The following RB1CC1 variants were observed in gnomAD, a reference collection of about 807,000 sequenced individuals.
RB1CC1 encodes RB1-inducible coiled-coil protein 1.
RB1CC1 carries 46 observed loss-of-function variants against 177.5 expected under a neutral mutation model. The observed-to-expected ratio is 0.26, with a 90% CI of 0.20 to 0.33. The LOEUF (loss-of-function observed/expected upper bound fraction) is 0.33. RB1CC1 is among the 10% of genes least tolerant of loss of function. RB1CC1 has a pLI of 1.00. For synonymous variants in RB1CC1, 666 were observed against 613.6 expected (o/e 1.09, Z -1.26); for missense variants, 1,703 against 1,816.3 (o/e 0.94, Z 1.13).
At chr8:52,685,648 G>A (rs1212287507) in intron 2 of RB1CC1, 128 bp from the exon 3 acceptor site, 6 of 416,606 alleles carry the variant, frequency 1.4e-5, no homozygotes, top group Non-Finnish European at 2.1e-5. Context: ...TTGATGTCTA[G>A]GATGGCTAAC....
rs1456470673 is a variant in RB1CC1 at position 52,661,653 on chromosome 8, G to A, written c.1240C>T (p.Leu414=). The A allele has an allele frequency of 2.5e-6, 4 of 1,612,334 alleles. No individual in the cohort carries two copies. The highest frequency in any genetic ancestry group is 3.3e-4 in the Middle Eastern group (2 of 6,048). The change falls in exon 9 of 24, where the codon CTG becomes TTG. Residue 414 remains leucine (L), a synonymous_variant. Coordinates refer to ENST00000025008, the MANE Select transcript of RB1CC1 (RefSeq NM_014781.5). ...ATCATCAACTGATTTGCGTGACTCA[G>A]GCATAAATCAGGTAATACAGATGCA... is the stretch of plus-strand genomic sequence containing the variant. The part of the protein sequence containing the change: ...KDASVLPDLC[L]SHANQLMIML...
At chr8:52,675,873 C>T (rs374907408) in intron 6 of RB1CC1, among the ~76,000 whole-genome samples, 9 of 142,780 alleles carry the variant, frequency 6.3e-5, no homozygotes, top group East Asian at 4.0e-4. Context: ...GGCAACAGAG[C>T]GAGCCTCCGT....
At position 52,623,494 on chromosome 8, in the gene RB1CC1, AAGG is replaced by A; in HGVS notation, c.*285_*287del. 1 of 401,854 alleles carries A rather than the reference AAGG, an allele frequency of 2.5e-6. No homozygotes were observed. Among genetic ancestry groups the A allele is most frequent in the Non-Finnish European group, 4.7e-6 (1 of 211,200 alleles). The allele number at this position is 401,854 out of a possible 1,614,324, so 24.9% of individuals were successfully genotyped here. ...TGGCTCATCATAAGCCACAATGCAC[AAGG>A]TATGCCCTTTGAGAAAATGAAGTAG... On this transcript the variant is annotated 3_prime_UTR_variant, in exon 24 of 24. Coordinates refer to ENST00000025008, the MANE Select transcript of RB1CC1 (RefSeq NM_014781.5).
At chr8:52,627,342 G>A (rs545471858) in intron 22 of RB1CC1, among the ~76,000 whole-genome samples, 15 of 152,132 alleles carry the variant, frequency 9.9e-5, no homozygotes, top group South Asian at 4.1e-4. Context: ...GCAAGACTCC[G>A]TTTCGAAAAA....
chr8:52,624,777 T>C lies in RB1CC1; in HGVS notation c.4647A>G (p.Ala1549=), dbSNP rs1848265495. The C allele has an allele frequency of 2.5e-6, 4 of 1,571,210 alleles. No individual in the cohort carries two copies. Among genetic ancestry groups the C allele is most frequent in the East Asian group, 4.6e-5 (2 of 43,810 alleles). Residue 1549 remains alanine (A), a synonymous_variant, in exon 23 of 24, where the codon GCA becomes GCG. Coordinates refer to ENST00000025008, the MANE Select transcript of RB1CC1 (RefSeq NM_014781.5). ...TTCCAAGTACCCAGGGTCTTCTAGA[T>C]GCACCTGAAGCTAATGAAATTAAAT... The part of the protein sequence containing the change: ...DLKPGEGASG[A]SRRPWVLGKV...
chr8:52,691,097 A>G, intron 1 of RB1CC1, among the ~76,000 whole-genome samples: 1 of 152,210 alleles, frequency 6.6e-6, no homozygotes, highest in Middle Eastern at 3.2e-3. Flanking sequence ...CCTCAGATCC[A>G]GGATTTATTT....
intron 8 of RB1CC1, among the ~76,000 whole-genome samples, chr8:52,665,788 T>C (rs887594828): frequency 3.9e-5 from 6 of 152,234 alleles, no homozygotes; most frequent in East Asian, 3.9e-4. Context: ...ATTAGGTGAC[T>C]AGGAATGCCA....
At chr8:52,623,984 T>C (rs1381494689) in intron 23 of RB1CC1, 125 bp from the exon 24 acceptor site, 3 of 651,908 alleles carry the variant, frequency 4.6e-6, no homozygotes, top group Non-Finnish European at 8.1e-6. Context: ...ATCACACAAG[T>C]ACCCTCCTAT....
intron 20 of RB1CC1, 126 bp from the exon 21 acceptor site, chr8:52,630,654 T>C (rs905559177): frequency 1.2e-6 from 1 of 854,676 alleles, no homozygotes; most frequent in Non-Finnish European, 1.6e-6. Context: ...CCCAAACTAA[T>C]ATAGTTCTTA....
At chr8:52,686,798 T>C in intron 2 of RB1CC1, 55 bp downstream of exon 2, 2 of 348,590 alleles carry the variant, frequency 5.7e-6, no homozygotes, top group South Asian at 2.2e-5. Context: ...TCCAGAATCA[T>C]TATTTTAAAG....
At chr8:52,648,670 T>C (rs544170944) in intron 15 of RB1CC1, among the ~76,000 whole-genome samples, 1 of 152,148 alleles carries the variant, frequency 6.6e-6, no homozygotes, top group Non-Finnish European at 1.5e-5. Flanking sequence ...TTTTCCAATA[T>C]ATGCACTGTG....
chr8:52,710,131 G>C lies in RB1CC1; in HGVS notation c.-167+3944C>G, dbSNP rs935863664. ...CAAACGGAGTGTCTAGGTTGCCCAG[G>C]GACTGAAAACTGGGCATCAGTCTCC... is the stretch of plus-strand genomic sequence containing the variant. On this transcript the variant is annotated intron_variant, in intron 1 of 23. Coordinates refer to ENST00000025008, the MANE Select transcript of RB1CC1 (RefSeq NM_014781.5). Among the ~76,000 whole-genome samples, 3 of 152,084 alleles carry C rather than the reference G, an allele frequency of 2.0e-5. No homozygotes were observed. The South Asian group carries it at 6.2e-4, about 32-fold the overall frequency.
intron 1 of RB1CC1, among the ~76,000 whole-genome samples, chr8:52,710,522 A>G (rs1856963819): frequency 1.3e-5 from 2 of 152,214 alleles, no homozygotes; most frequent in African/African-American, 4.8e-5. Context: ...GTGACACCCT[A>G]CATACTACTA....
intron 1 of RB1CC1, among the ~76,000 whole-genome samples, chr8:52,712,128 G>A (rs1024532798): frequency 2.6e-4 from 39 of 152,176 alleles, no homozygotes; most frequent in African/African-American, 9.2e-4. Context: ...AATCGTGAAA[G>A]TGTGTTGAAA....
intron 12 of RB1CC1, among the ~76,000 whole-genome samples, chr8:52,659,826 G>A (rs538048456): frequency 4.6e-5 from 7 of 152,254 alleles, no homozygotes; most frequent in South Asian, 2.1e-4. Flanking sequence ...GTGAAACCCC[G>A]TCTCTACTAA....
chr8:52,669,550 T>C (rs773243982), intron 7 of RB1CC1, among the ~76,000 whole-genome samples: 2 of 152,184 alleles, frequency 1.3e-5, no homozygotes, highest in African/African-American at 2.4e-5. Flanking sequence ...AGAGGGTGCA[T>C]GTCTAACACT....
intron 7 of RB1CC1, among the ~76,000 whole-genome samples, chr8:52,670,955 C>CAA (rs11444516): frequency 5.7e-4 from 73 of 128,094 alleles, no homozygotes; most frequent in East Asian, 9.6e-4. Context: ...GACTCCAACT[C>CAA]AAAAAAAAAA....
chr8:52,710,769 G>A (rs1265429574), intron 1 of RB1CC1, among the ~76,000 whole-genome samples: 2 of 152,072 alleles, frequency 1.3e-5, no homozygotes, highest in African/African-American at 2.4e-5. Context: ...AAAAGAAAAT[G>A]TAGAATTAGC....
rs1852235526 is a variant in RB1CC1, at chr8:52,668,094, T to C, written c.1100A>G (p.Asp367Gly). ...QNMKAIKGLE[D>G]RLYALDQMIA... ...CATCTGGTCCAGGGCGTAGAGCCGA[T>C]CTTCAAGTCCTTTAATGGCTTTCAT... The change falls in exon 8 of 24, where the codon GAT becomes GGT. Residue 367 changes from aspartate (D) to glycine (G), a missense_variant. By Grantham distance (94) the Asp-to-Gly change is moderately conservative. Around this residue, in one of 6 missense-constraint regions of RB1CC1, gnomAD observed 315 missense variants for 304.9 expected, o/e 1.03. Coordinates refer to ENST00000025008, the MANE Select transcript of RB1CC1 (RefSeq NM_014781.5). 6.2e-7 allele frequency: 1 copy of C among 1,614,070 alleles called. No individual in the cohort carries two copies.
Sources: gnomAD v4.1 joint callset for allele counts (sites outside exome capture counted in the v4.1 genomes callset) on GRCh38, gnomAD v4.1.1 for gene constraint, gnomAD v4.1.1 regional missense constraint, MANE v1.5 for transcripts, NCBI Gene and HGNC (gene_info 2026-07-23, HGNC 2026-07-21) for gene names.